SNX29: variants seen among roughly 807,000 people sequenced by gnomAD.
SNX29 encodes sorting nexin-29.
SNX29 carries 78 observed loss-of-function variants against 102.1 expected under a neutral mutation model. The observed-to-expected ratio is 0.76, with a 90% CI of 0.64 to 0.92. SNX29 has a LOEUF of 0.92. Ranked by LOEUF, SNX29 falls within the 40% of genes least tolerant of loss-of-function variation. SNX29 has a pLI of 0.00. For missense variants in SNX29, 1,280 were observed against 1,061.7 expected (o/e 1.21, Z -2.86); for synonymous variants, 580 against 414.5 (o/e 1.40, Z -4.85).
chr16:12,125,825 A>C (rs552229699), intron 11 of SNX29, among the ~76,000 whole-genome samples: 7 of 151,704 alleles, frequency 4.6e-5, no homozygotes, highest in Non-Finnish European at 8.8e-5. Context: ...ACTTCCTGGG[A>C]AACAGTTTTT....
chr16:12,417,363 T>G (rs1271196529), intron 18 of SNX29, among the ~76,000 whole-genome samples: 2 of 152,208 alleles, frequency 1.3e-5, no homozygotes, highest in Non-Finnish European at 2.9e-5. Context: ...TTTCCTTGTT[T>G]CAGGCTGTCT....
chr16:11,999,257 G>T, intron 1 of SNX29, 40 bp from the exon 2 acceptor site: 1 of 1,604,462 alleles, frequency 6.2e-7, no homozygotes, highest in South Asian at 1.1e-5. Context: ...AGCCGTGTCC[G>T]AGCGTCAGAG....
In SNX29 at chr16:12,569,626, G is replaced by A. The variant is rs1330844140; in HGVS notation, c.*997G>A. ...ACATTGTCCTTGATAACAGAACTCTGCATCCCCTAAGACAGAGTCCTCTGT... is the reference window on the plus strand; with the variant it reads ...ACATTGTCCTTGATAACAGAACTCTACATCCCCTAAGACAGAGTCCTCTGT... On this transcript the variant is annotated 3_prime_UTR_variant, in exon 21 of 21. Transcript: ENST00000566228. 5 of 171,388 alleles carry A rather than the reference G, an allele frequency of 2.9e-5. No individual in the cohort carries two copies. Among genetic ancestry groups the A allele is most frequent in the East Asian group, 1.9e-4 (3 of 15,584 alleles). The allele number at this position is 171,388 out of a possible 1,614,324, so 10.6% of individuals were successfully genotyped here.
At chr16:12,081,253 T>G (rs1402440668) in intron 11 of SNX29, 1 of 152,244 alleles carries the variant, frequency 6.6e-6, no homozygotes, top group African/African-American at 2.4e-5. Context: ...TATCTCAGTC[T>G]TCATACTGCT....
intron 13 of SNX29, among the ~76,000 whole-genome samples, chr16:12,190,229 C>T (rs1341016742): frequency 2.0e-5 from 3 of 151,940 alleles, no homozygotes; most frequent in Admixed American, 6.6e-5. Flanking sequence ...TTGGAGTTGC[C>T]CTGATGTCAG....
chr16:12,426,692 A>C (rs892978098), intron 18 of SNX29, among the ~76,000 whole-genome samples: 3 of 152,152 alleles, frequency 2.0e-5, no homozygotes, highest in Admixed American at 2.0e-4. Flanking sequence ...TTGAGACAGA[A>C]TCTCACTCTG....
intron 18 of SNX29, among the ~76,000 whole-genome samples, chr16:12,447,975 C>T (rs919517136): frequency 6.6e-6 from 1 of 152,196 alleles, no homozygotes; most frequent in East Asian, 1.9e-4. Flanking sequence ...TCATTCACAT[C>T]TAGCACCGGG....
At position 12,010,658 on chromosome 16, in the gene SNX29, T is replaced by G. The variant is rs367801150; in HGVS notation, c.122+7615T>G. ...AACAAACAAACAAGAAATTGCTCTT[T>G]TTAATGAACTTTCAGGTGACTGTCA... On this transcript the variant is annotated intron_variant, in intron 3 of 20. Transcript: ENST00000566228. Among the ~76,000 whole-genome samples the G allele has an allele frequency of 3.3e-5, 5 of 152,144 alleles. No homozygotes were observed. The East Asian group carries it at 7.7e-4, about 23-fold the overall frequency.
At chr16:12,313,294 G>A (rs917398949) in intron 15 of SNX29, among the ~76,000 whole-genome samples, 10 of 152,180 alleles carry the variant, frequency 6.6e-5, no homozygotes, top group East Asian at 3.8e-4. Flanking sequence ...GATTACAGGC[G>A]TGAGCCACTG....
At chr16:12,126,916 C>T (rs1016810733) in intron 12 of SNX29, among the ~76,000 whole-genome samples, 3 of 152,178 alleles carry the variant, frequency 2.0e-5, no homozygotes, top group Non-Finnish European at 2.9e-5. Context: ...ATGATAATGG[C>T]ACCTTCATAG....
At chr16:12,542,058 C>T (rs150634988) in intron 20 of SNX29, among the ~76,000 whole-genome samples, 1 of 151,900 alleles carries the variant, frequency 6.6e-6, no homozygotes, top group Admixed American at 6.6e-5. Flanking sequence ...CAAAGATATT[C>T]CTAGTCACCA....
At chr16:11,994,089 C>T (rs564786261) in intron 1 of SNX29, among the ~76,000 whole-genome samples, 8 of 152,186 alleles carry the variant, frequency 5.3e-5, no homozygotes, top group Non-Finnish European at 7.3e-5. Flanking sequence ...CCATTGCACT[C>T]CAGCCTGGGT....
At chr16:12,460,885 C>T (rs2086751147) in intron 18 of SNX29, among the ~76,000 whole-genome samples, 1 of 152,190 alleles carries the variant, frequency 6.6e-6, no homozygotes, top group Admixed American at 6.5e-5. Flanking sequence ...TCTCGAACGC[C>T]TGACCTCAGC....
intron 16 of SNX29, among the ~76,000 whole-genome samples, chr16:12,361,010 C>T (rs1424061684): frequency 6.6e-6 from 1 of 152,228 alleles, no homozygotes; most frequent in East Asian, 1.9e-4. Flanking sequence ...GAGAGGGGGT[C>T]CCCTTACGGT....
Position 12,391,330 on chromosome 16 carries a change from A to G in SNX29, c.1900-7116A>G, listed in dbSNP as rs534363012. Among the ~76,000 whole-genome samples, 6 of 152,352 alleles carry G rather than the reference A, an allele frequency of 3.9e-5. 1 individual carries two copies. The South Asian group carries it at 1.0e-3, about 26-fold the overall frequency. On this transcript the variant is annotated intron_variant, in intron 16 of 20. Transcript: ENST00000566228. Reference sequence around the variant, plus strand: ...AACATCATAGGTTAATTAATTAACCATCGGGTACTCTTCTCTGATCCCTTT... The same window carrying G: ...AACATCATAGGTTAATTAATTAACCGTCGGGTACTCTTCTCTGATCCCTTT...
chr16:12,501,409 A>G (rs1019515348), intron 19 of SNX29, among the ~76,000 whole-genome samples: 2 of 151,990 alleles, frequency 1.3e-5, no homozygotes, highest in Non-Finnish European at 2.9e-5. Flanking sequence ...ATCTCTTTAA[A>G]AACAAACAAA....
At chr16:12,333,820 T>C (rs2081365475) in intron 15 of SNX29, among the ~76,000 whole-genome samples, 1 of 152,040 alleles carries the variant, frequency 6.6e-6, no homozygotes. Context: ...ATGGCTGAGG[T>C]AGAAAAGGCC....
chr16:11,985,607 C>G (rs2055588522), intron 1 of SNX29, among the ~76,000 whole-genome samples: 1 of 152,198 alleles, frequency 6.6e-6, no homozygotes, highest in South Asian at 2.1e-4. Context: ...TGCAACCCAT[C>G]ACTGTGATTT....
At chr16:12,069,382 G>A (rs1485065237) in intron 10 of SNX29, among the ~76,000 whole-genome samples, 1 of 151,012 alleles carries the variant, frequency 6.6e-6, no homozygotes, top group African/African-American at 2.4e-5. Flanking sequence ...TCTCTTGCCT[G>A]AGCCTCCCAA....
Sources: gnomAD v4.1 joint callset for allele counts (sites outside exome capture counted in the v4.1 genomes callset) on GRCh38, gnomAD v4.1.1 for gene constraint, MANE v1.5 for transcripts, NCBI Gene and HGNC (gene_info 2026-07-23, HGNC 2026-07-21) for gene names.